MEIOC: variants seen among roughly 807,000 people sequenced by gnomAD.
MEIOC encodes the protein meiosis specific with coiled-coil domain, also known as meiosis-specific coiled-coil domain-containing protein MEIOC.
In MEIOC, 9 loss-of-function variants were observed where a neutral mutation model predicts 85.3. The ratio of observed to expected loss-of-function variants is 0.11; its 90% CI spans 0.06 to 0.18. The LOEUF is 0.18. Among genes scored for constraint, MEIOC ranks in the 10% least tolerant of loss-of-function variants. The pLI is 1.00. For synonymous variants in MEIOC, 365 were observed against 393.7 expected (o/e 0.93, Z 0.86); for missense variants, 898 against 1,129.4 (o/e 0.80, Z 2.94).
chr17:44,657,334 G>C, intron 2 of MEIOC, 73 bp downstream of exon 2: 2 of 1,349,994 alleles, frequency 1.5e-6, no homozygotes, highest in Non-Finnish European at 2.0e-6. Context: ...CGATTCATAG[G>C]TGTTTAATGG....
intron 3 of MEIOC, 159 bp from the exon 4 acceptor site, chr17:44,665,225 T>G: frequency 1.0e-6 from 1 of 960,158 alleles, no homozygotes; most frequent in Non-Finnish European, 1.4e-6. Flanking sequence ...AAAATATTTA[T>G]GTAGAAAAGA....
chr17:44,672,553 A>G (rs781233608), intron 6 of MEIOC, among the ~76,000 whole-genome samples: 1 of 152,222 alleles, frequency 6.6e-6, no homozygotes, highest in Non-Finnish European at 1.5e-5. Flanking sequence ...ATCAGTGAAC[A>G]CCAAGTTCTG....
In MEIOC at chr17:44,666,776, C is replaced by T. The variant is rs1971909899; in HGVS notation, c.865C>T (p.His289Tyr). The T allele has an allele frequency of 6.2e-7, 1 of 1,613,282 alleles. No individual in the cohort carries two copies. Among genetic ancestry groups the T allele is most frequent in the African/African-American group, 1.3e-5 (1 of 74,880 alleles). Residue 289 changes from histidine to tyrosine, a missense_variant, in exon 5 of 8, where the codon CAT becomes TAT. His to Tyr is a moderately conservative substitution (Grantham distance 83). Coordinates refer to ENST00000409122, the MANE Select transcript of MEIOC (RefSeq NM_001145080.3). ...GAAAGAATCAGGAGTTGATATCTACCATTATGGAAGAGACAGAATATGTAC... is the reference window on the plus strand; with the variant it reads ...GAAAGAATCAGGAGTTGATATCTACTATTATGGAAGAGACAGAATATGTAC... ...IMKESGVDIY[H>Y]YGRDRICTKG...
chr17:44,657,316 C>T, intron 2 of MEIOC, 55 bp downstream of exon 2: 2 of 1,506,140 alleles, frequency 1.3e-6, no homozygotes, highest in South Asian at 1.2e-5. Context: ...TGGATTTACT[C>T]GAGCCACCGA....
chr17:44,675,234 C>CG lies in MEIOC; in HGVS notation c.*1039dup. On this transcript the variant is annotated 3_prime_UTR_variant, in exon 8 of 8. Coordinates refer to ENST00000409122, the MANE Select transcript of MEIOC (RefSeq NM_001145080.3). Reference sequence around the variant, plus strand: ...TTGCAATTGGTTAGCCTATATTTTGCGTAGTTGTGTTCATTAGTTTGCTTC... The same window carrying CG: ...TTGCAATTGGTTAGCCTATATTTTGCGGTAGTTGTGTTCATTAGTTTGCTTC... The CG allele has an allele frequency of 1.0e-6, 1 of 984,594 alleles. No homozygotes were observed. The highest frequency in any genetic ancestry group is 1.2e-6 in the Non-Finnish European group (1 of 829,454). 61.0% of individuals were successfully genotyped at this position (984,594 alleles called of 1,614,324 possible). A position where few individuals can be genotyped will look rare whatever the true frequency, so the allele number is the denominator to read the frequency against.
At chr17:44,658,678 C>CCAG (rs920554359) in intron 2 of MEIOC, among the ~76,000 whole-genome samples, 2 of 150,722 alleles carry the variant, frequency 1.3e-5, no homozygotes, top group Non-Finnish European at 3.0e-5. Flanking sequence ...ACCTGTAATC[C>CCAG]CAGCTACTTG....
At chr17:44,671,161 C>T (rs1430869563) in intron 6 of MEIOC, 1 of 150,810 alleles carries the variant, frequency 6.6e-6, no homozygotes, top group Non-Finnish European at 1.5e-5. Context: ...ATCCATGGTA[C>T]ATTCAGAGCC....
intron 2 of MEIOC, among the ~76,000 whole-genome samples, chr17:44,659,598 TTCAAAA>T (rs1971817797): frequency 6.6e-6 from 1 of 152,242 alleles, no homozygotes; most frequent in African/African-American, 2.4e-5. Context: ...ATTTGTAATA[TTCAAAA>T]TGTATTTTAA....
intron 2 of MEIOC, among the ~76,000 whole-genome samples, chr17:44,662,010 G>A (rs781422469): frequency 2.0e-5 from 3 of 152,120 alleles, no homozygotes; most frequent in Non-Finnish European, 2.9e-5. Flanking sequence ...TGTAAATAAA[G>A]TTTTATTGCA....
Position 44,669,495 on chromosome 17 carries a change from A to T in MEIOC, c.2435A>T (p.Asp812Val), listed in dbSNP as rs1381726543. 6.4e-7 allele frequency: 1 copy of T among 1,553,090 alleles called. No homozygotes were observed. Among genetic ancestry groups the T allele is most frequent in the Admixed American group, 2.0e-5 (1 of 51,128 alleles). ...TCTAGAGTTGATCGCTTAATTGTGG[A>T]TGAACTTCGAGAACTAGCCAGAGTA... ...NPSRVDRLIV[D>V]ELRELARVVT... Residue 812 changes from aspartate (D) to valine (V), a missense_variant, in exon 6 of 8, where the codon GAT becomes GTT. Around this residue, in one of 2 missense-constraint regions of MEIOC, gnomAD observed 164 missense variants for 269.2 expected, o/e 0.61. Transcript: ENST00000409122.
At chr17:44,665,512 T>C (rs1207012799) in intron 4 of MEIOC, 24 bp downstream of exon 4, 12 of 1,231,272 alleles carry the variant, frequency 9.7e-6, no homozygotes, top group Admixed American at 2.8e-5. Flanking sequence ...CTATATAGTA[T>C]ATAACAGGCT....
At chr17:44,665,094 T>C in intron 3 of MEIOC, 1 of 996,174 alleles carries the variant, frequency 1.0e-6, no homozygotes, top group Non-Finnish European at 1.2e-6. Flanking sequence ...GATTTATATC[T>C]TGGTCACCTA....
At chr17:44,669,161 C>T (rs532860011) in intron 5 of MEIOC, among the ~76,000 whole-genome samples, 1 of 152,072 alleles carries the variant, frequency 6.6e-6, no homozygotes, top group South Asian at 2.1e-4. Context: ...CGAGACTGCA[C>T]CACTGCACTC....
At chr17:44,676,837 AT>A (rs911417523), downstream of MEIOC, 34 of 485,882 alleles carry the variant, frequency 7.0e-5, no homozygotes, top group African/African-American at 4.2e-4. Flanking sequence ...AACAAAAAAA[AT>A]ATGCCCTTTG....
intron 7 of MEIOC, 59 bp downstream of exon 7, chr17:44,673,605 A>C: frequency 7.5e-7 from 1 of 1,333,860 alleles, no homozygotes; most frequent in Non-Finnish European, 1.0e-6. Flanking sequence ...GGTATTGATA[A>C]AATCAGATTC....
At chr17:44,665,820 C>G (rs930926602) in intron 4 of MEIOC, among the ~76,000 whole-genome samples, 1 of 152,022 alleles carries the variant, frequency 6.6e-6, no homozygotes, top group Non-Finnish European at 1.5e-5. Context: ...AAACTCATTA[C>G]TACTATGCAG....
chr17:44,661,923 CA>C (rs761589073), intron 2 of MEIOC, among the ~76,000 whole-genome samples: 2 of 152,000 alleles, frequency 1.3e-5, no homozygotes. Context: ...CAAAAAATTA[CA>C]AAAAAACTAC....
chr17:44,656,819 G>A, intron 1 of MEIOC, 137 bp downstream of exon 1: 1 of 447,060 alleles, frequency 2.2e-6, no homozygotes, highest in Non-Finnish European at 3.7e-6. Flanking sequence ...GAACGGGGCG[G>A]GCGGGCGGGG....
Position 44,662,327 on chromosome 17 carries a change from A to AC in MEIOC, c.215_216insC (p.Val73CysfsTer34). The AC allele has an allele frequency of 1.9e-6, 3 of 1,544,112 alleles. No homozygotes were observed. The highest frequency in any genetic ancestry group is 2.6e-6 in the Non-Finnish European group (3 of 1,144,942). ...TCTTAAAACTTTCAGAGTGAAGACA[A>AC]TGTAGACCTAAGGCAGACCTATACT... is the stretch of plus-strand genomic sequence containing the variant. On this transcript the variant is annotated frameshift_variant, in exon 3 of 8. Coordinates refer to ENST00000409122, the MANE Select transcript of MEIOC (RefSeq NM_001145080.3). LOFTEE classifies it high-confidence loss of function.
Sources: allele counts gnomAD v4.1 joint callset (sites outside exome capture counted in the v4.1 genomes callset), GRCh38; gene constraint gnomAD v4.1.1; regional missense constraint gnomAD v4.1.1; transcripts MANE v1.5; gene names NCBI Gene and HGNC (gene_info 2026-07-23, HGNC 2026-07-21).